The following TEX36 variants were observed in gnomAD, a reference collection of about 807,000 sequenced individuals.
TEX36 encodes testis expressed 36.
TEX36 carries 12 observed loss-of-function variants against 13.6 expected under a neutral mutation model. The observed-to-expected ratio is 0.88, with a 90% confidence interval of 0.56 to 1.43. The LOEUF (loss-of-function observed/expected upper bound fraction) is 1.43. Ranked by LOEUF, TEX36 falls within the 40% of genes most tolerant of loss-of-function variation. The probability of loss-of-function intolerance (pLI) is 0.00; values close to 1 mark genes in which losing one functional copy is unlikely to be tolerated. For synonymous variants in TEX36, 93 were observed against 83.0 expected (o/e 1.12, Z -0.65); for missense variants, 224 against 228.3 (o/e 0.98, Z 0.12).
chr10:125,610,551 G>A (rs10219100), intron 3 of TEX36, among the ~76,000 whole-genome samples: 163 of 143,184 alleles, frequency 1.1e-3, no homozygotes, highest in African/African-American at 4.5e-3. Context: ...AAGAAGCTCG[G>A]TTTCAAATGT....
chr10:125,637,522 T>C (rs1846636734), intron 3 of TEX36, among the ~76,000 whole-genome samples: 1 of 152,094 alleles, frequency 6.6e-6, no homozygotes, highest in Non-Finnish European at 1.5e-5. Flanking sequence ...TCTTAGCGAT[T>C]GTGAACAGTG....
At chr10:125,660,754 A>G (rs565667182) in intron 3 of TEX36, among the ~76,000 whole-genome samples, 1 of 152,348 alleles carries the variant, frequency 6.6e-6, no homozygotes, top group South Asian at 2.1e-4. Flanking sequence ...AGCTCGCAAA[A>G]GAGACAATTT....
At chr10:125,666,468 G>A (rs1847123306) in intron 1 of TEX36, among the ~76,000 whole-genome samples, 1 of 152,050 alleles carries the variant, frequency 6.6e-6, no homozygotes, top group South Asian at 2.1e-4. Context: ...TATGGTTTTT[G>A]TCCTTCATTT....
At chr10:125,648,784 T>C (rs760782181) in intron 3 of TEX36, among the ~76,000 whole-genome samples, 100 of 152,150 alleles carry the variant, frequency 6.6e-4, no homozygotes, top group Non-Finnish European at 1.2e-3. Context: ...AAAGGCTAAC[T>C]AGATTTAATA....
At position 125,683,005 on chromosome 10, in the gene TEX36, G is replaced by T. The variant is rs1445862817; in HGVS notation, c.-16C>A. 3.2e-6 allele frequency: 5 copies of T among 1,551,612 alleles called. No individual in the cohort carries two copies. The highest frequency in any genetic ancestry group is 4.4e-6 in the Non-Finnish European group (5 of 1,147,000). On this transcript the variant is annotated 5_prime_UTR_variant, in exon 1 of 4. Coordinates refer to ENST00000368821, the MANE Select transcript of TEX36 (RefSeq NM_001128202.3). ...CTTTGGTCATTCTCTCCAGGAAGCT[G>T]AATGTGGCTGAGATTGGCTCCCTCA...
At chr10:125,629,552 C>T (rs891236685) in intron 3 of TEX36, among the ~76,000 whole-genome samples, 8 of 152,030 alleles carry the variant, frequency 5.3e-5, no homozygotes, top group South Asian at 2.1e-4. Flanking sequence ...TGCATTCATT[C>T]GGTGATATAA....
At chr10:125,675,919 A>G (rs769681787) in intron 1 of TEX36, among the ~76,000 whole-genome samples, 3 of 152,184 alleles carry the variant, frequency 2.0e-5, no homozygotes, top group African/African-American at 4.8e-5. Context: ...ATGTATTTGC[A>G]TAGTTTCCAA....
At chr10:125,606,084 T>C (rs1846212283) in intron 3 of TEX36, among the ~76,000 whole-genome samples, 1 of 152,242 alleles carries the variant, frequency 6.6e-6, no homozygotes, top group Admixed American at 6.5e-5. Context: ...GGGAACTTTG[T>C]ATCTGAAGAC....
intron 3 of TEX36, among the ~76,000 whole-genome samples, chr10:125,638,931 T>A (rs763427830): frequency 6.6e-6 from 1 of 152,254 alleles, no homozygotes; most frequent in African/African-American, 2.4e-5. Flanking sequence ...CCCTTTCTAT[T>A]ACACTATTAA....
intron 3 of TEX36, among the ~76,000 whole-genome samples, chr10:125,623,652 G>A (rs548381389): frequency 6.6e-6 from 1 of 151,992 alleles, no homozygotes; most frequent in Non-Finnish European, 1.5e-5. Context: ...ACAGGAAGGT[G>A]CGAGGCCCTG....
chr10:125,576,803 G>A (rs1845829469), exon 4 of TEX36: 2 of 1,535,824 alleles, frequency 1.3e-6, no homozygotes, highest in Non-Finnish European at 1.7e-6. Flanking sequence ...GAATGGACTG[G>A]GTCCTCACCG....
intron 3 of TEX36, chr10:125,576,936 A>G: frequency 6.5e-7 from 1 of 1,531,356 alleles, no homozygotes; most frequent in South Asian, 1.2e-5. Context: ...CTTGTAGTTC[A>G]GCAATCAGAG....
chr10:125,581,416 G>A (rs1055814462), intron 3 of TEX36, among the ~76,000 whole-genome samples: 16 of 152,128 alleles, frequency 1.1e-4, no homozygotes, highest in Admixed American at 5.9e-4. Context: ...ATCCTCCTGC[G>A]TAACTCGCCC....
Position 125,582,328 on chromosome 10 carries a change from C to G in TEX36, c.265-5454G>C, listed in dbSNP as rs1589738927. Reference sequence around the variant, plus strand: ...ATCTTCTTAACCTCAAATTCTAGACCACAAATTTTCTGCACATTTCACAGA... The same window carrying G: ...ATCTTCTTAACCTCAAATTCTAGACGACAAATTTTCTGCACATTTCACAGA... On this transcript the variant is annotated intron_variant, in intron 3 of 3. Coordinates refer to the TEX36 transcript ENST00000532135. 9.2e-5 allele frequency among the ~76,000 whole-genome samples: 14 copies of G among 152,272 alleles called. No homozygotes were observed. The South Asian group carries it at 2.9e-3, about 32-fold the overall frequency.
At chr10:125,586,567 AT>A (rs1845951770) in intron 3 of TEX36, among the ~76,000 whole-genome samples, 1 of 148,630 alleles carries the variant, frequency 6.7e-6, no homozygotes, top group Non-Finnish European at 1.5e-5. Context: ...AGGTGGGCAG[AT>A]CGCTTGAGCC....
chr10:125,658,631 A>T (rs1846983863), intron 3 of TEX36, among the ~76,000 whole-genome samples: 1 of 152,144 alleles, frequency 6.6e-6, no homozygotes, highest in Non-Finnish European at 1.5e-5. Flanking sequence ...GACAACAAAG[A>T]TAATCTCATA....
intron 1 of TEX36, among the ~76,000 whole-genome samples, chr10:125,668,335 A>G (rs1847161950): frequency 6.6e-6 from 1 of 151,538 alleles, no homozygotes. Context: ...TTACTGATTC[A>G]GTCTCACTAT....
chr10:125,627,902 T>C (rs1429920368), intron 3 of TEX36, among the ~76,000 whole-genome samples: 2 of 152,122 alleles, frequency 1.3e-5, no homozygotes, highest in Non-Finnish European at 2.9e-5. Flanking sequence ...ACCTAGAATA[T>C]CAAAGCCACA....
chr10:125,612,347 G>A (rs1846300353), intron 3 of TEX36, among the ~76,000 whole-genome samples: 2 of 139,096 alleles, frequency 1.4e-5, no homozygotes, highest in Non-Finnish European at 3.2e-5. Flanking sequence ...GCCTCCCAAA[G>A]TGCTGGGATT....
Sources: gnomAD v4.1 joint callset for allele counts (sites outside exome capture counted in the v4.1 genomes callset) on GRCh38, gnomAD v4.1.1 for gene constraint, MANE v1.5 for transcripts, NCBI Gene and HGNC (gene_info 2026-07-23, HGNC 2026-07-21) for gene names.